STXBP5L: variants seen among roughly 807,000 people sequenced by gnomAD.
The protein encoded by STXBP5L is syntaxin-binding protein 5-like.
STXBP5L carries 65 observed loss-of-function variants against 144.5 expected under a neutral mutation model. The observed-to-expected ratio is 0.45, with a 90% CI of 0.37 to 0.55. The LOEUF (loss-of-function observed/expected upper bound fraction) is 0.55, where lower values mean the gene tolerates loss of function less well. Ranked by LOEUF, STXBP5L falls within the 20% of genes least tolerant of loss-of-function variation. STXBP5L has a pLI of 0.00. For synonymous variants in STXBP5L, 505 were observed against 469.6 expected (o/e 1.08, Z -0.97); for missense variants, 1,298 against 1,405.5 (o/e 0.92, Z 1.22).
intron 9 of STXBP5L, among the ~76,000 whole-genome samples, chr3:121,174,978 G>A (rs962985399): frequency 2.0e-5 from 3 of 152,120 alleles, no homozygotes; most frequent in African/African-American, 7.2e-5. Flanking sequence ...TAGAGGAATG[G>A]AAGGAATATA....
At chr3:120,981,562 AGTTTTCGATTCATATTCTGAATT>A (rs2107879679) in intron 3 of STXBP5L, among the ~76,000 whole-genome samples, 1 of 152,060 alleles carries the variant, frequency 6.6e-6, no homozygotes, top group African/African-American at 2.4e-5. Flanking sequence ...ATCCTTAGTA[AGTTTTCGATTCATATTCTGAATT>A]GTTTTTTCTG....
intron 3 of STXBP5L, among the ~76,000 whole-genome samples, chr3:120,977,951 G>A (rs1300445386): frequency 3.9e-5 from 6 of 152,186 alleles, no homozygotes; most frequent in South Asian, 2.1e-4. Flanking sequence ...TGGGTAACCC[G>A]ACCTTTGTCT....
intron 19 of STXBP5L, among the ~76,000 whole-genome samples, chr3:121,314,951 G>T (rs201902476): frequency 0.094 from 14,341 of 152,100 alleles, 1,061 homozygotes; most frequent in Admixed American, 0.2. Flanking sequence ...TCTCACACCC[G>T]TTAGAATGGC....
At chr3:121,068,561 T>C (rs11918518) in intron 5 of STXBP5L, among the ~76,000 whole-genome samples, 56,956 of 151,934 alleles carry the variant, frequency 0.37, 10,880 homozygotes, top group Non-Finnish European at 0.4. Context: ...TGATCTAAAA[T>C]AGAGCATTTC....
At chr3:121,154,661 AT>A (rs1334136515) in intron 8 of STXBP5L, among the ~76,000 whole-genome samples, 1 of 151,684 alleles carries the variant, frequency 6.6e-6, no homozygotes, top group Admixed American at 6.6e-5. Flanking sequence ...TATTACCTTT[AT>A]GCTAAAAAAA....
At chr3:121,097,126 C>T (rs769793689) in intron 5 of STXBP5L, among the ~76,000 whole-genome samples, 2 of 152,224 alleles carry the variant, frequency 1.3e-5, no homozygotes, top group Non-Finnish European at 2.9e-5. Flanking sequence ...TTTGTTTACT[C>T]TGTGAGCTTA....
chr3:121,247,189 CTAATA>C (rs945441165), intron 14 of STXBP5L, among the ~76,000 whole-genome samples: 35 of 152,318 alleles, frequency 2.3e-4, no homozygotes, highest in Admixed American at 1.2e-3. Flanking sequence ...TCTGGACTCT[CTAATA>C]TGTTTCACTG....
intron 10 of STXBP5L, among the ~76,000 whole-genome samples, chr3:121,208,734 A>G (rs1286390935): frequency 6.6e-6 from 1 of 152,116 alleles, no homozygotes; most frequent in Non-Finnish European, 1.5e-5. Flanking sequence ...TGTTCCTAGC[A>G]GCTTGTGGTA....
At chr3:121,029,851 T>G (rs1242831052) in intron 3 of STXBP5L, among the ~76,000 whole-genome samples, 1 of 150,804 alleles carries the variant, frequency 6.6e-6, no homozygotes, top group Non-Finnish European at 1.5e-5. Flanking sequence ...AAAAACCCCA[T>G]GAAAAAGTGG....
Position 121,407,569 on chromosome 3 carries a change from T to A in STXBP5L, c.2914T>A (p.Cys972Ser), listed in dbSNP as rs752711039. The A allele has an allele frequency of 2.4e-5, 39 of 1,613,202 alleles. No homozygotes were observed. Among genetic ancestry groups the A allele is most frequent in the Non-Finnish European group, 3.1e-5 (36 of 1,179,564 alleles). Residue 972 changes from cysteine (C) to serine (S), a missense_variant, in exon 23 of 27, where the codon TGC becomes AGC. Coordinates refer to ENST00000471454, the MANE Select transcript of STXBP5L (RefSeq NM_001308330.2). ...VVMCSSACLA[C>S]FCANGHIMIM... Reference sequence around the variant, plus strand: ...CATGTGTAGCAGTGCCTGCTTGGCATGCTTTTGTGCTAACGGACATATCAT... The same window carrying A: ...CATGTGTAGCAGTGCCTGCTTGGCAAGCTTTTGTGCTAACGGACATATCAT...
At chr3:121,326,994 T>C (rs1414615558) in intron 20 of STXBP5L, among the ~76,000 whole-genome samples, 1 of 152,102 alleles carries the variant, frequency 6.6e-6, no homozygotes, top group Non-Finnish European at 1.5e-5. Context: ...TATCTCCCAT[T>C]AAAGTAGTAG....
chr3:121,150,729 AC>A (rs1221793766), intron 7 of STXBP5L, among the ~76,000 whole-genome samples: 34 of 152,178 alleles, frequency 2.2e-4, no homozygotes, highest in African/African-American at 8.2e-4. Flanking sequence ...TATTTTCTAA[AC>A]TTTTTAGGCT....
chr3:121,006,069 T>A (rs138006030), intron 3 of STXBP5L, among the ~76,000 whole-genome samples: 8 of 152,264 alleles, frequency 5.3e-5, no homozygotes, highest in African/African-American at 1.7e-4. Context: ...CTGTTAGGTC[T>A]GCTTGGTGCA....
chr3:121,187,816 A>G (rs560876464), intron 9 of STXBP5L, among the ~76,000 whole-genome samples: 2 of 152,138 alleles, frequency 1.3e-5, no homozygotes, highest in African/African-American at 4.8e-5. Flanking sequence ...GCAAAAACAT[A>G]CATAGGCTCA....
At chr3:121,109,149 G>T (rs2043859851) in intron 5 of STXBP5L, among the ~76,000 whole-genome samples, 1 of 151,698 alleles carries the variant, frequency 6.6e-6, no homozygotes, top group Non-Finnish European at 1.5e-5. Context: ...ATTAGTCTAG[G>T]TAGCGGTCTA....
At chr3:121,183,649 A>G (rs1559835435) in intron 9 of STXBP5L, among the ~76,000 whole-genome samples, 1 of 151,414 alleles carries the variant, frequency 6.6e-6, no homozygotes. Flanking sequence ...AAAGAAAGAA[A>G]AAAGAAAGAA....
At chr3:121,286,098 T>C (rs540759452) in intron 19 of STXBP5L, among the ~76,000 whole-genome samples, 83 of 152,304 alleles carry the variant, frequency 5.4e-4, no homozygotes, top group Middle Eastern at 3.4e-3. Context: ...GTAGGCTTAA[T>C]GTAGAGAATT....
intron 9 of STXBP5L, among the ~76,000 whole-genome samples, chr3:121,189,194 T>A (rs1327944414): frequency 1.3e-5 from 2 of 152,224 alleles, no homozygotes; most frequent in Non-Finnish European, 2.9e-5. Context: ...TGATGGCAGT[T>A]TCTTTTGCTG....
intron 5 of STXBP5L, among the ~76,000 whole-genome samples, chr3:121,074,357 C>G (rs1252122930): frequency 6.6e-6 from 1 of 152,146 alleles, no homozygotes; most frequent in African/African-American, 2.4e-5. Flanking sequence ...CCCGCAAATC[C>G]TTTACTGGCT....
Sources: gnomAD v4.1 joint callset for allele counts (sites outside exome capture counted in the v4.1 genomes callset) on GRCh38, gnomAD v4.1.1 for gene constraint, MANE v1.5 for transcripts, NCBI Gene and HGNC (gene_info 2026-07-23, HGNC 2026-07-21) for gene names.